PTPRD: variants seen among roughly 807,000 people sequenced by gnomAD.
The protein encoded by PTPRD is receptor-type tyrosine-protein phosphatase delta.
PTPRD carries 34 observed loss-of-function variants against 214.5 expected under a neutral mutation model. That is an observed-to-expected ratio of 0.16 (90% confidence interval 0.12 to 0.21). The LOEUF (loss-of-function observed/expected upper bound fraction) is 0.21, where lower values mean the gene tolerates loss of function less well. Among genes scored for constraint, PTPRD ranks in the 10% least tolerant of loss-of-function variants. The pLI is 1.00. For synonymous variants in PTPRD, 1,128 were observed against 845.7 expected (o/e 1.33, Z -5.79); for missense variants, 2,545 against 2,398.7 (o/e 1.06, Z -1.27).
At chr9:10,488,961 AG>A in intron 2 of PTPRD, among the ~76,000 whole-genome samples, 1 of 152,106 alleles carries the variant, frequency 6.6e-6, no homozygotes, top group Admixed American at 6.5e-5. Flanking sequence ...ACTGTATCTT[AG>A]CTGGTACCTA....
chr9:9,369,638 G>A (rs1180577802), intron 9 of PTPRD, among the ~76,000 whole-genome samples: 1 of 151,944 alleles, frequency 6.6e-6, no homozygotes, highest in East Asian at 1.9e-4. Flanking sequence ...GTCAATTTTG[G>A]CTTTTGTTGC....
intron 3 of PTPRD, among the ~76,000 whole-genome samples, chr9:10,238,229 A>T (rs1221913339): frequency 1.3e-4 from 19 of 151,852 alleles, no homozygotes. Context: ...TGCTTCAATA[A>T]TGTAATTCTC....
chr9:8,986,797 T>C (rs985033726), intron 11 of PTPRD, among the ~76,000 whole-genome samples: 5 of 152,114 alleles, frequency 3.3e-5, no homozygotes, highest in Admixed American at 2.6e-4. Flanking sequence ...AACGAATTAT[T>C]TCTACTGGCA....
intron 7 of PTPRD, among the ~76,000 whole-genome samples, chr9:9,666,580 T>C (rs1390207651): frequency 1.3e-5 from 2 of 152,008 alleles, no homozygotes; most frequent in African/African-American, 4.8e-5. Context: ...ATGGCATGTG[T>C]CTTTGAAGTC....
At chr9:8,708,647 C>T (rs1163141816) in intron 12 of PTPRD, among the ~76,000 whole-genome samples, 1 of 143,310 alleles carries the variant, frequency 7.0e-6, no homozygotes, top group Non-Finnish European at 1.5e-5. Context: ...CCAGTGCACT[C>T]CAGCCTGGGT....
At chr9:9,802,083 A>G (rs1196205391) in intron 5 of PTPRD, among the ~76,000 whole-genome samples, 1 of 152,016 alleles carries the variant, frequency 6.6e-6, no homozygotes, top group Non-Finnish European at 1.5e-5. Flanking sequence ...CTTAATTGCG[A>G]CTCAAGTTGC....
intron 11 of PTPRD, among the ~76,000 whole-genome samples, chr9:8,895,502 C>G (rs963877970): frequency 1.3e-5 from 2 of 152,162 alleles, no homozygotes; most frequent in Non-Finnish European, 2.9e-5. Flanking sequence ...AACTTTCAAA[C>G]AGTGTGGAAG....
intron 12 of PTPRD, among the ~76,000 whole-genome samples, chr9:8,733,009 G>T (rs1198247022): frequency 6.6e-6 from 1 of 152,188 alleles, no homozygotes; most frequent in African/African-American, 2.4e-5. Flanking sequence ...GTACAAGGCC[G>T]AGACATGCCT....
chr9:8,968,662 C>G (rs1407475397), intron 11 of PTPRD, among the ~76,000 whole-genome samples: 1 of 152,014 alleles, frequency 6.6e-6, no homozygotes, highest in Non-Finnish European at 1.5e-5. Flanking sequence ...TTAAGTTATC[C>G]AAATTCACTG....
rs536595745 is a variant in PTPRD at position 8,502,523 on chromosome 9, G to C, written c.1823-1464C>G. 2.0e-4 allele frequency among the ~76,000 whole-genome samples: 31 copies of C among 152,156 alleles called. No individual in the cohort carries two copies. The East Asian group carries it at 4.1e-3, about 20-fold the overall frequency. ...ACAAAAAAGAAATCCTCATAGGACA[G>C]CCTTGTAAATTTGGAATAAGATTTG... On this transcript the variant is annotated intron_variant, in intron 23 of 45. Coordinates refer to ENST00000381196, the MANE Select transcript of PTPRD (RefSeq NM_002839.4).
chr9:8,819,482 C>T (rs1244101119), intron 11 of PTPRD, among the ~76,000 whole-genome samples: 1 of 152,004 alleles, frequency 6.6e-6, no homozygotes, highest in Non-Finnish European at 1.5e-5. Flanking sequence ...GCCAACATGG[C>T]GAAACCCGTC....
intron 11 of PTPRD, among the ~76,000 whole-genome samples, chr9:8,996,893 T>A (rs10977430): frequency 0.052 from 7,899 of 152,160 alleles, 250 homozygotes; most frequent in Middle Eastern, 0.1. Flanking sequence ...GGAATTTTTC[T>A]ATATCTTGAT....
chr9:9,200,079 T>G (rs897241083), intron 9 of PTPRD, among the ~76,000 whole-genome samples: 1 of 152,212 alleles, frequency 6.6e-6, no homozygotes, highest in Non-Finnish European at 1.5e-5. Context: ...TGAAGGCTAA[T>G]GTTGACTCCC....
At chr9:8,503,091 A>G (rs987162931) in intron 23 of PTPRD, among the ~76,000 whole-genome samples, 1 of 152,060 alleles carries the variant, frequency 6.6e-6, no homozygotes, top group African/African-American at 2.4e-5. Context: ...GATAATCACT[A>G]ATAGATTAAA....
chr9:9,627,030 C>A (rs1014202339), intron 7 of PTPRD, among the ~76,000 whole-genome samples: 8 of 152,140 alleles, frequency 5.3e-5, no homozygotes, highest in Non-Finnish European at 1.0e-4. Context: ...TTCTCGTTTG[C>A]AGGCTGGGTG....
chr9:9,776,696 G>A (rs989052781), intron 5 of PTPRD, among the ~76,000 whole-genome samples: 1 of 152,130 alleles, frequency 6.6e-6, no homozygotes, highest in Non-Finnish European at 1.5e-5. Context: ...AATGAAGATA[G>A]TGACTTTTAC....
At chr9:8,369,244 A>G (rs747468657) in intron 39 of PTPRD, among the ~76,000 whole-genome samples, 2 of 152,068 alleles carry the variant, frequency 1.3e-5, no homozygotes, top group Admixed American at 6.6e-5. Context: ...TTGGATCACA[A>G]GGTCTTTTGT....
At chr9:9,239,681 G>A (rs1426760551) in intron 9 of PTPRD, among the ~76,000 whole-genome samples, 2 of 152,144 alleles carry the variant, frequency 1.3e-5, no homozygotes, top group African/African-American at 2.4e-5. Context: ...CCATGGTACA[G>A]CCTGAAGACA....
intron 8 of PTPRD, among the ~76,000 whole-genome samples, chr9:9,482,301 T>G (rs936110991): frequency 5.3e-5 from 8 of 152,314 alleles, no homozygotes; most frequent in South Asian, 4.1e-4. Flanking sequence ...GTATAACACT[T>G]GTTTTAACCT....
Sources: gnomAD v4.1 joint callset for allele counts (sites outside exome capture counted in the v4.1 genomes callset) on GRCh38, gnomAD v4.1.1 for gene constraint, MANE v1.5 for transcripts, NCBI Gene and HGNC (gene_info 2026-07-23, HGNC 2026-07-21) for gene names.